Variants in INPP4B observed in about 807,000 individuals in gnomAD.
INPP4B encodes the protein inositol polyphosphate-4-phosphatase type II B.
In INPP4B, 55 loss-of-function variants were observed where a neutral mutation model predicts 122.5. That is an observed-to-expected ratio of 0.45 (90% CI 0.36 to 0.56). The LOEUF (loss-of-function observed/expected upper bound fraction) is 0.56, where lower values mean the gene tolerates loss of function less well. Ranked by LOEUF, INPP4B falls within the 20% of genes least tolerant of loss-of-function variation. The pLI, the probability that INPP4B is intolerant of heterozygous loss-of-function variation, is 0.00. For missense variants in INPP4B, 1,000 were observed against 1,097.7 expected (o/e 0.91, Z 1.26); for synonymous variants, 403 against 388.7 (o/e 1.04, Z -0.43).
intron 11 of INPP4B, among the ~76,000 whole-genome samples, chr4:142,259,711 G>T (rs1738723735): frequency 6.6e-6 from 1 of 151,658 alleles, no homozygotes; most frequent in Non-Finnish European, 1.5e-5. Flanking sequence ...CAAATACATT[G>T]TACAGCTATA....
At chr4:142,050,844 G>C (rs141319858) in intron 25 of INPP4B, among the ~76,000 whole-genome samples, 38 of 152,070 alleles carry the variant, frequency 2.5e-4, no homozygotes, top group African/African-American at 7.7e-4. Context: ...AAAATCTGGA[G>C]ATGCTCAAGT....
chr4:142,348,085 C>T (rs1201521562), intron 7 of INPP4B, among the ~76,000 whole-genome samples: 1 of 152,046 alleles, frequency 6.6e-6, no homozygotes, highest in African/African-American at 2.4e-5. Context: ...CCACCATCAA[C>T]AAAAATAAAC....
At chr4:142,078,557 A>G (rs1303351451) in intron 25 of INPP4B, among the ~76,000 whole-genome samples, 1 of 152,024 alleles carries the variant, frequency 6.6e-6, no homozygotes, top group Non-Finnish European at 1.5e-5. Context: ...AAGAGAAACG[A>G]AAATCTCTAC....
intron 7 of INPP4B, among the ~76,000 whole-genome samples, chr4:142,398,225 A>C (rs1380418600): frequency 6.7e-6 from 1 of 150,264 alleles, no homozygotes; most frequent in African/African-American, 2.5e-5. Context: ...GATACAAAAA[A>C]ATATTAGCCA....
At chr4:142,054,545 A>G (rs879639801) in intron 25 of INPP4B, among the ~76,000 whole-genome samples, 5 of 151,722 alleles carry the variant, frequency 3.3e-5, no homozygotes, top group Admixed American at 6.6e-5. Flanking sequence ...CACACACACA[A>G]TAATATAAAA....
At position 142,833,846 on chromosome 4, in the gene INPP4B, G is replaced by T. The variant is rs182102754; in HGVS notation, c.-254+12363C>A. 5.3e-5 allele frequency among the ~76,000 whole-genome samples: 8 copies of T among 152,192 alleles called. No individual in the cohort carries two copies. The East Asian group carries it at 1.2e-3, about 22-fold the overall frequency. On this transcript the variant is annotated intron_variant, in intron 1 of 25. Coordinates refer to ENST00000262992, the MANE Select transcript of INPP4B (RefSeq NM_001101669.3). Reference sequence around the variant, plus strand: ...AAAACTGCCATTCCTATTTAGATGAGCCCAAAGCTCTTCTATCCCAGGCCT... The same window carrying T: ...AAAACTGCCATTCCTATTTAGATGATCCCAAAGCTCTTCTATCCCAGGCCT...
At chr4:142,571,779 CA>C (rs1485445243) in intron 2 of INPP4B, among the ~76,000 whole-genome samples, 1 of 151,744 alleles carries the variant, frequency 6.6e-6, no homozygotes, top group African/African-American at 2.4e-5. Flanking sequence ...AAGATTATTC[CA>C]AAAGTAAACA....
chr4:142,143,432 CTT>C (rs1359876267), intron 18 of INPP4B, among the ~76,000 whole-genome samples: 1 of 151,954 alleles, frequency 6.6e-6, no homozygotes, highest in East Asian at 1.9e-4. Context: ...TTCCTTTTCT[CTT>C]ATGAATCTGC....
chr4:142,385,382 A>AC (rs1408897523), intron 7 of INPP4B, among the ~76,000 whole-genome samples: 7 of 151,950 alleles, frequency 4.6e-5, no homozygotes, highest in Non-Finnish European at 8.8e-5. Context: ...TAAAAAAAAA[A>AC]AACCACTCTT....
intron 7 of INPP4B, 139 bp from the exon 8 acceptor site, chr4:142,314,901 C>T (rs1766916148): frequency 2.9e-6 from 2 of 685,358 alleles, no homozygotes; most frequent in Admixed American, 3.0e-5. Flanking sequence ...CACCTGTGTG[C>T]AACACCTGCG....
At chr4:142,314,057 C>T (rs1276779466) in intron 8 of INPP4B, among the ~76,000 whole-genome samples, 1 of 152,156 alleles carries the variant, frequency 6.6e-6, no homozygotes, top group Admixed American at 6.5e-5. Flanking sequence ...CTTCTTAGAC[C>T]TAATTAACTT....
At chr4:142,486,883 A>T (rs1262365979) in intron 2 of INPP4B, among the ~76,000 whole-genome samples, 1 of 152,212 alleles carries the variant, frequency 6.6e-6, no homozygotes, top group Non-Finnish European at 1.5e-5. Context: ...TGCAAAAATC[A>T]ACTGACCACT....
At chr4:142,671,542 G>A (rs1756998394) in intron 2 of INPP4B, among the ~76,000 whole-genome samples, 1 of 152,076 alleles carries the variant, frequency 6.6e-6, no homozygotes, top group African/African-American at 2.4e-5. Context: ...CAATTTCATT[G>A]TATGGTGCTA....
At chr4:142,553,113 T>C (rs1025427379) in intron 2 of INPP4B, among the ~76,000 whole-genome samples, 1 of 152,236 alleles carries the variant, frequency 6.6e-6, no homozygotes, top group African/African-American at 2.4e-5. Flanking sequence ...TCTGTTTTTC[T>C]AAAACTCCTC....
intron 2 of INPP4B, among the ~76,000 whole-genome samples, chr4:142,571,802 AT>A (rs1478173867): frequency 6.6e-6 from 1 of 152,048 alleles, no homozygotes; most frequent in East Asian, 1.9e-4. Flanking sequence ...AGCACAAGTT[AT>A]TTATTTTTTT....
chr4:142,349,772 A>T (rs1781386987), intron 7 of INPP4B, among the ~76,000 whole-genome samples: 1 of 151,964 alleles, frequency 6.6e-6, no homozygotes, highest in Non-Finnish European at 1.5e-5. Context: ...TTCCCTCCCC[A>T]AGAATCAAAG....
intron 23 of INPP4B, among the ~76,000 whole-genome samples, chr4:142,099,431 A>G (rs1391040059): frequency 6.6e-6 from 1 of 152,142 alleles, no homozygotes; most frequent in African/African-American, 2.4e-5. Flanking sequence ...TGGATTTTTC[A>G]TTTATATATT....
chr4:142,066,931 C>T (rs1763854366), intron 25 of INPP4B, among the ~76,000 whole-genome samples: 1 of 152,206 alleles, frequency 6.6e-6, no homozygotes, highest in Non-Finnish European at 1.5e-5. Context: ...GCAGAAACTT[C>T]TGCAGACTTA....
chr4:142,312,862 T>G (rs1421617566), intron 8 of INPP4B, among the ~76,000 whole-genome samples: 1 of 152,158 alleles, frequency 6.6e-6, no homozygotes, highest in Non-Finnish European at 1.5e-5. Flanking sequence ...ATCTGCCACA[T>G]AGAGGACTCT....
Sources: allele counts gnomAD v4.1 joint callset (sites outside exome capture counted in the v4.1 genomes callset), GRCh38; gene constraint gnomAD v4.1.1; transcripts MANE v1.5; gene names NCBI Gene and HGNC (gene_info 2026-07-23, HGNC 2026-07-21).